Variants in IGSF9B observed in about 807,000 individuals in gnomAD.
The protein encoded by IGSF9B is immunoglobulin superfamily member 9B, also known as protein turtle homolog B.
IGSF9B carries 48 observed loss-of-function variants against 143.7 expected under a neutral mutation model. That is an observed-to-expected ratio of 0.33 (90% CI 0.26 to 0.42). The LOEUF is 0.42. Ranked by LOEUF, IGSF9B falls within the 20% of genes least tolerant of loss-of-function variation. The pLI, the probability that IGSF9B is intolerant of heterozygous loss-of-function variation, is 1.00. For synonymous variants in IGSF9B, 903 were observed against 833.1 expected (o/e 1.08, Z -1.44); for missense variants, 1,706 against 1,980.0 (o/e 0.86, Z 2.63).
At chr11:133,916,152 C>A (rs1939377772) in intron 18 of IGSF9B, among the ~76,000 whole-genome samples, 1 of 152,108 alleles carries the variant, frequency 6.6e-6, no homozygotes, top group Non-Finnish European at 1.5e-5. Flanking sequence ...GAGGACAGGG[C>A]ATCACTAGGC....
intron 1 of IGSF9B, 144 bp downstream of exon 1, chr11:133,956,547 G>T (rs1472089585): frequency 4.0e-6 from 2 of 506,056 alleles, no homozygotes; most frequent in Middle Eastern, 5.4e-4. Context: ...CCTGGCCCGC[G>T]TCGGAGCCCA....
chr11:133,955,900 C>G (rs1940243049), intron 1 of IGSF9B, among the ~76,000 whole-genome samples: 1 of 151,158 alleles, frequency 6.6e-6, no homozygotes, highest in Non-Finnish European at 1.5e-5. Flanking sequence ...CCCCGCCCCT[C>G]CCCTCCCCCG....
chr11:133,935,646 G>C lies in IGSF9B; in HGVS notation c.938C>G (p.Pro313Arg). 6.2e-7 allele frequency: 1 copy of C among 1,610,684 alleles called. No individual in the cohort carries two copies. ...CACGGTCAGGTACGCCGAGGCGGAG[G>C]GGGAGCGCCCCAGGCTGTTGCTGGG... ...CVPSNSLGRS[P>R]SASAYLTVQY... Residue 313 changes from proline (P) to arginine (R), a missense_variant, in exon 7 of 20, where the codon CCC (proline) becomes CGC (arginine). By Grantham distance (103) the Pro-to-Arg change is moderately radical. Around this residue, in one of 7 missense-constraint regions of IGSF9B, gnomAD observed 238 missense variants for 452.6 expected, o/e 0.53. Transcript: ENST00000533871.
At chr11:133,939,798 G>T (rs549595657) in intron 3 of IGSF9B, among the ~76,000 whole-genome samples, 1 of 151,616 alleles carries the variant, frequency 6.6e-6, no homozygotes, top group South Asian at 2.1e-4. Flanking sequence ...CCTCGCACGC[G>T]TCATCGCATG....
chr11:133,956,366 C>T (rs1940252449), intron 1 of IGSF9B, among the ~76,000 whole-genome samples: 1 of 152,268 alleles, frequency 6.6e-6, no homozygotes, highest in Admixed American at 6.5e-5. Flanking sequence ...GGGCAGGAGG[C>T]GACGGGCTAG....
intron 5 of IGSF9B, 52 bp from the exon 6 acceptor site, chr11:133,936,246 G>A: frequency 6.4e-7 from 1 of 1,562,156 alleles, no homozygotes; most frequent in South Asian, 1.2e-5. Flanking sequence ...GACGGCAGCA[G>A]CACCCAGGCC....
Position 133,904,259 on chromosome 11 carries a change from G to A in IGSF9B, c.*4810C>T, listed in dbSNP as rs1186751921. Among the ~76,000 whole-genome samples the A allele has an allele frequency of 2.0e-5, 3 of 152,106 alleles. No homozygotes were observed. The highest frequency in any genetic ancestry group is 1.9e-4 in the East Asian group (1 of 5,192). On this transcript the variant is annotated 3_prime_UTR_variant, in exon 20 of 20. Transcript: ENST00000533871. Reference sequence around the variant, plus strand: ...ATTGTGGACGGAGAGGCAACCCACCGCTGCAGCTTAGGAAAATGAGAATGG... The same window carrying A: ...ATTGTGGACGGAGAGGCAACCCACCACTGCAGCTTAGGAAAATGAGAATGG...
chr11:133,936,303 G>A lies in IGSF9B; in HGVS notation c.680-109C>T, dbSNP rs767722592. 2.7e-5 allele frequency: 25 copies of A among 939,722 alleles called. 1 individual carries two copies. Among genetic ancestry groups the A allele is most frequent in the East Asian group, 7.9e-5 (3 of 37,964 alleles). The allele number at this position is 939,722 out of a possible 1,614,324, so 58.2% of individuals were successfully genotyped here. A position where few individuals can be genotyped will look rare whatever the true frequency, so the allele number is the denominator to read the frequency against. On this transcript the variant is annotated intron_variant, in intron 5 of 19. Transcript: ENST00000533871. Reference sequence around the variant, plus strand: ...CAGGAAGCGGTGCCCTGAACACTGCGATGGGGGCGGCTGTCATGGAGACAC... The same window carrying A: ...CAGGAAGCGGTGCCCTGAACACTGCAATGGGGGCGGCTGTCATGGAGACAC...
At chr11:133,929,202 A>G (rs771795782) in intron 12 of IGSF9B, among the ~76,000 whole-genome samples, 3 of 152,170 alleles carry the variant, frequency 2.0e-5, no homozygotes, top group African/African-American at 4.8e-5. Context: ...CTGCATGCCT[A>G]TATCAAAATA....
intron 3 of IGSF9B, among the ~76,000 whole-genome samples, chr11:133,940,165 A>G (rs1336433303): frequency 8.2e-6 from 1 of 122,352 alleles, no homozygotes; most frequent in Non-Finnish European, 1.7e-5. Context: ...CACACCTCGC[A>G]CGTCCTCGCA....
At chr11:133,925,593 G>A (rs1939608910) in intron 14 of IGSF9B, 146 bp downstream of exon 14, 1 of 661,246 alleles carries the variant, frequency 1.5e-6, no homozygotes. Context: ...AGCGAGTCTG[G>A]GAGAATCCAG....
intron 1 of IGSF9B, among the ~76,000 whole-genome samples, chr11:133,955,624 C>G (rs901478685): frequency 6.6e-6 from 1 of 152,214 alleles, no homozygotes; most frequent in African/African-American, 2.4e-5. Flanking sequence ...GCAGCCGGGT[C>G]GTGTCTGCGC....
intron 3 of IGSF9B, among the ~76,000 whole-genome samples, chr11:133,940,136 G>C (rs1228944809): frequency 1.4e-5 from 2 of 140,326 alleles, no homozygotes; most frequent in Non-Finnish European, 3.0e-5. Context: ...GTCCTCGCAC[G>C]CGTCATCGCA....
chr11:133,917,112 A>G (rs1201504149), intron 18 of IGSF9B, among the ~76,000 whole-genome samples: 1 of 152,170 alleles, frequency 6.6e-6, no homozygotes, highest in African/African-American at 2.4e-5. Flanking sequence ...TAGGGGGGGA[A>G]GGCACCTGTC....
chr11:133,922,767 T>G, intron 15 of IGSF9B, 37 bp from the exon 16 acceptor site: 1 of 1,522,702 alleles, frequency 6.6e-7, no homozygotes. Flanking sequence ...GAGCCCATCC[T>G]TCCCCGGGAC....
In IGSF9B at chr11:133,898,961, CT is replaced by C. The variant is rs1939069589; in HGVS notation, c.*10107del. ...AGGCAGCAAAAATCCACGACAGAGC[CT>C]TTTCCCCAAGCTGCTGGTTGGTGAC... On this transcript the variant is annotated 3_prime_UTR_variant, in exon 20 of 20. Coordinates refer to ENST00000533871, the MANE Select transcript of IGSF9B (RefSeq NM_001277285.4). The C allele has an allele frequency of 1.3e-5, 2 of 152,354 alleles. No homozygotes were observed. The highest frequency in any genetic ancestry group is 2.1e-4 in the South Asian group (1 of 4,832). 9.4% of individuals were successfully genotyped at this position (152,354 alleles called of 1,614,324 possible).
At chr11:133,947,116 A>G (rs1940067720) in intron 1 of IGSF9B, among the ~76,000 whole-genome samples, 1 of 152,002 alleles carries the variant, frequency 6.6e-6, no homozygotes, top group Non-Finnish European at 1.5e-5. Flanking sequence ...AGAGAGGGCG[A>G]GCAAGGCAGC....
chr11:133,946,857 G>A lies in IGSF9B; in HGVS notation c.65-599C>T, dbSNP rs111461406. Among the ~76,000 whole-genome samples the A allele has an allele frequency of 5.0e-4, 76 of 152,138 alleles. 1 individual carries two copies. Among genetic ancestry groups the A allele is most frequent in the Non-Finnish European group, 8.1e-4 (55 of 68,022 alleles). Reference sequence around the variant, plus strand: ...AGGGAAATCCCTAACAAGCTCAGCCGAGGCTGCTCGTGGCAACACCAGAGG... The same window carrying A: ...AGGGAAATCCCTAACAAGCTCAGCCAAGGCTGCTCGTGGCAACACCAGAGG... On this transcript the variant is annotated intron_variant, in intron 1 of 19. Transcript: ENST00000533871.
In IGSF9B at chr11:133,919,760, G is replaced by C. The variant is rs1939475265; in HGVS notation, c.3965C>G (p.Pro1322Arg). The change falls in exon 18 of 20, where the codon CCC becomes CGC. Residue 1322 changes from proline to arginine, a missense_variant. Around this residue, in one of 7 missense-constraint regions of IGSF9B, gnomAD observed 880 missense variants for 762.9 expected, o/e 1.15. Transcript: ENST00000533871. ...EELLRPETPP[P>R]TLPTSGTLPP... ...CACTCACCCTGAAGTAGGTAACGTG[G>C]GTGGTGGGGTCTCCGGTCGGAGCAA... The C allele has an allele frequency of 1.0e-5, 15 of 1,473,076 alleles. No homozygotes were observed. Among genetic ancestry groups the C allele is most frequent in the Non-Finnish European group, 1.3e-5 (14 of 1,109,444 alleles). 91.3% of individuals were successfully genotyped at this position (1,473,076 alleles called of 1,614,324 possible).
Sources: gnomAD v4.1 joint callset for allele counts (sites outside exome capture counted in the v4.1 genomes callset) on GRCh38, gnomAD v4.1.1 for gene constraint, gnomAD v4.1.1 regional missense constraint, MANE v1.5 for transcripts, NCBI Gene and HGNC (gene_info 2026-07-23, HGNC 2026-07-21) for gene names.